Variants in TAFA5 observed in about 807,000 individuals in gnomAD.
TAFA5 encodes the protein TAFA chemokine like family member 5.
TAFA5 carries 6 observed loss-of-function variants against 15.3 expected under a neutral mutation model. That is an observed-to-expected ratio of 0.39 (90% CI 0.21 to 0.77). TAFA5 has a LOEUF of 0.77. Among genes scored for constraint, TAFA5 ranks in the 30% least tolerant of loss-of-function variants. The probability of loss-of-function intolerance (pLI) is 0.41; values close to 1 mark genes in which losing one functional copy is unlikely to be tolerated. For synonymous variants in TAFA5, 103 were observed against 80.7 expected (o/e 1.28, Z -1.48); for missense variants, 161 against 193.1 (o/e 0.83, Z 0.98).
At chr22:48,701,196 T>C (rs1175997848) in intron 2 of TAFA5, among the ~76,000 whole-genome samples, 1 of 151,960 alleles carries the variant, frequency 6.6e-6, no homozygotes, top group Non-Finnish European at 1.5e-5. Flanking sequence ...GGGCAGAGGG[T>C]AGAGGCCCCT....
chr22:48,578,864 G>T (rs894768297), intron 1 of TAFA5, among the ~76,000 whole-genome samples: 3 of 152,198 alleles, frequency 2.0e-5, no homozygotes, highest in South Asian at 2.1e-4. Context: ...TGCAGGGAGG[G>T]GGGTGGCCGA....
intron 1 of TAFA5, among the ~76,000 whole-genome samples, chr22:48,538,578 A>G (rs2147117330): frequency 6.6e-6 from 1 of 152,320 alleles, no homozygotes; most frequent in African/African-American, 2.4e-5. Context: ...GGCCCACAGC[A>G]GGGAGCATGA....
chr22:48,509,950 C>CAAAAAA (rs144036099), intron 1 of TAFA5, among the ~76,000 whole-genome samples: 2 of 91,090 alleles, frequency 2.2e-5, no homozygotes, highest in African/African-American at 1.1e-4. Context: ...GAATCTGTCT[C>CAAAAAA]AAAAAAAAAA....
At chr22:48,516,484 G>A (rs772584287) in intron 1 of TAFA5, among the ~76,000 whole-genome samples, 48 of 152,160 alleles carry the variant, frequency 3.2e-4, no homozygotes, top group Non-Finnish European at 6.9e-4. Flanking sequence ...AACGAAATGG[G>A]GGCCCGCCCC....
At chr22:48,682,676 T>C (rs984286581) in intron 2 of TAFA5, among the ~76,000 whole-genome samples, 1 of 152,226 alleles carries the variant, frequency 6.6e-6, no homozygotes, top group Non-Finnish European at 1.5e-5. Flanking sequence ...TCATTGTCGC[T>C]GTATTGACAA....
At chr22:48,748,815 A>G (rs1930400344) in intron 3 of TAFA5, among the ~76,000 whole-genome samples, 1 of 152,124 alleles carries the variant, frequency 6.6e-6, no homozygotes, top group African/African-American at 2.4e-5. Flanking sequence ...CTGGCTGAGT[A>G]AGGAATTTAA....
intron 1 of TAFA5, among the ~76,000 whole-genome samples, chr22:48,614,557 A>G (rs933875545): frequency 1.3e-5 from 2 of 152,274 alleles, no homozygotes; most frequent in African/African-American, 4.8e-5. Context: ...GCCCTCCCCC[A>G]GGGCTCCTTG....
intron 1 of TAFA5, among the ~76,000 whole-genome samples, chr22:48,527,671 C>T (rs1921826498): frequency 6.6e-6 from 1 of 152,170 alleles, no homozygotes; most frequent in Non-Finnish European, 1.5e-5. Context: ...TGTGGGAAGC[C>T]GCATCCCACC....
chr22:48,747,672 G>A (rs1334337520), intron 3 of TAFA5, among the ~76,000 whole-genome samples: 3 of 152,054 alleles, frequency 2.0e-5, no homozygotes, highest in Non-Finnish European at 2.9e-5. Flanking sequence ...CAAGGTGAGC[G>A]GATCACCTGA....
At chr22:48,672,830 T>C (rs926287140) in intron 2 of TAFA5, among the ~76,000 whole-genome samples, 3 of 152,244 alleles carry the variant, frequency 2.0e-5, no homozygotes, top group Non-Finnish European at 4.4e-5. Flanking sequence ...TTTATTTCCC[T>C]TGGGACTCTG....
chr22:48,522,318 C>T (rs1315575251), intron 1 of TAFA5, among the ~76,000 whole-genome samples: 1 of 151,972 alleles, frequency 6.6e-6, no homozygotes, highest in Admixed American at 6.6e-5. Context: ...GGGCTCTGAA[C>T]AGGTGTGAGG....
At chr22:48,706,663 G>A (rs1417996574) in intron 2 of TAFA5, among the ~76,000 whole-genome samples, 2 of 152,178 alleles carry the variant, frequency 1.3e-5, no homozygotes, top group Non-Finnish European at 1.5e-5. Flanking sequence ...AAATACTGCC[G>A]GGCAGGTGTT....
At chr22:48,709,426 C>T (rs1276763307) in intron 3 of TAFA5, among the ~76,000 whole-genome samples, 5 of 152,176 alleles carry the variant, frequency 3.3e-5, no homozygotes, top group South Asian at 2.1e-4. Context: ...CCCAGGCCTG[C>T]GTTACCGCCC....
intron 1 of TAFA5, among the ~76,000 whole-genome samples, chr22:48,626,516 A>G (rs867864624): frequency 6.6e-6 from 1 of 152,182 alleles, no homozygotes; most frequent in Admixed American, 6.5e-5. Context: ...TCCTTTGCCC[A>G]TGTTTTAATT....
At chr22:48,681,516 G>T (rs1928186089) in intron 2 of TAFA5, among the ~76,000 whole-genome samples, 1 of 151,208 alleles carries the variant, frequency 6.6e-6, no homozygotes, top group Non-Finnish European at 1.5e-5. Flanking sequence ...TTAGGCGTGG[G>T]GGTAGGTGCC....
At chr22:48,709,984 G>A (rs769432429) in intron 3 of TAFA5, among the ~76,000 whole-genome samples, 10 of 152,238 alleles carry the variant, frequency 6.6e-5, no homozygotes, top group Non-Finnish European at 1.3e-4. Flanking sequence ...TCAAGTTGTC[G>A]ATTTTAAAGC....
At chr22:48,717,096 G>T (rs182158329) in intron 3 of TAFA5, among the ~76,000 whole-genome samples, 1 of 152,192 alleles carries the variant, frequency 6.6e-6, no homozygotes, top group African/African-American at 2.4e-5. Context: ...GAATACAGTC[G>T]CATCCTAAAG....
intron 1 of TAFA5, among the ~76,000 whole-genome samples, chr22:48,540,231 T>C (rs4823802): frequency 0.54 from 82,251 of 151,828 alleles, 24,819 homozygotes; most frequent in Middle Eastern, 0.72. Flanking sequence ...CATTTCCCAC[T>C]GCAGCACCGG....
intron 1 of TAFA5, among the ~76,000 whole-genome samples, chr22:48,622,334 G>C (rs1010300068): frequency 1.3e-5 from 2 of 152,162 alleles, no homozygotes; most frequent in African/African-American, 4.8e-5. Flanking sequence ...CACCTCGGAG[G>C]GCCTGGCCGG....
Sources: gnomAD v4.1 joint callset for allele counts (sites outside exome capture counted in the v4.1 genomes callset) on GRCh38, gnomAD v4.1.1 for gene constraint, MANE v1.5 for transcripts, NCBI Gene and HGNC (gene_info 2026-07-23, HGNC 2026-07-21) for gene names.